The following OIT3 variants were observed in gnomAD, a reference collection of about 807,000 sequenced individuals.
OIT3 encodes oncoprotein-induced transcript 3 protein.
A neutral mutation model predicts 52.2 loss-of-function variants in OIT3; 41 were observed. That is an observed-to-expected ratio of 0.79 (90% confidence interval 0.61 to 1.02). OIT3 has a LOEUF of 1.02. Among genes scored for constraint, OIT3 ranks in the 50% least tolerant of loss-of-function variants. The pLI, the probability that OIT3 is intolerant of heterozygous loss-of-function variation, is 0.00. For missense variants in OIT3, 634 were observed against 715.5 expected (o/e 0.89, Z 1.30); for synonymous variants, 244 against 276.9 (o/e 0.88, Z 1.18).
intron 1 of OIT3, among the ~76,000 whole-genome samples, chr10:72,896,366 AG>A (rs1230604527): frequency 2.0e-5 from 3 of 152,200 alleles, no homozygotes; most frequent in African/African-American, 7.2e-5. Context: ...GGGAGAGCAA[AG>A]GAGGAAGAAA....
At chr10:72,909,318 C>T (rs567042158) in intron 4 of OIT3, among the ~76,000 whole-genome samples, 2 of 151,954 alleles carry the variant, frequency 1.3e-5, no homozygotes, top group South Asian at 4.2e-4. Context: ...CAGGGTTTCA[C>T]CATGTTGGCC....
chr10:72,897,451 T>C (rs1008351641), intron 1 of OIT3, among the ~76,000 whole-genome samples: 1 of 152,234 alleles, frequency 6.6e-6, no homozygotes, highest in Non-Finnish European at 1.5e-5. Flanking sequence ...AGGATAGTAA[T>C]GCCATGGTTA....
intron 6 of OIT3, among the ~76,000 whole-genome samples, chr10:72,920,773 A>G (rs1162450760): frequency 6.6e-6 from 1 of 152,076 alleles, no homozygotes; most frequent in Non-Finnish European, 1.5e-5. Flanking sequence ...TTCTAATTCG[A>G]TTGTGCTGTC....
chr10:72,894,909 A>C (rs1845861240), intron 1 of OIT3, among the ~76,000 whole-genome samples: 1 of 152,042 alleles, frequency 6.6e-6, no homozygotes, highest in African/African-American at 2.4e-5. Context: ...AATAAAAATA[A>C]AAATGGTGAT....
Position 72,899,020 on chromosome 10 carries a change from T to C in OIT3, c.418T>C (p.Phe140Leu). 3 of 1,610,492 alleles carry C rather than the reference T, an allele frequency of 1.9e-6. No individual in the cohort carries two copies. The highest frequency in any genetic ancestry group is 2.5e-6 in the Non-Finnish European group (3 of 1,177,350). The change falls in exon 2 of 9, where the codon TTC (phenylalanine) becomes CTC (leucine). Residue 140 changes from phenylalanine to leucine, a missense_variant. Transcript: ENST00000334011. ...TCGTCTGACCAAGCCCAGCGTCTGC[T>C]TCCACGTCTACTGTGGTCGTGAGTA... ...VYRLTKPSVCFHVYCGHFYDI... is the reference protein window; with the variant it reads ...VYRLTKPSVCLHVYCGHFYDI...
At chr10:72,929,798 C>T (rs112411098) in intron 7 of OIT3, among the ~76,000 whole-genome samples, 6,033 of 152,206 alleles carry the variant, frequency 0.04, 397 homozygotes, top group African/African-American at 0.14. Flanking sequence ...CTGCCTCAGC[C>T]TGCCAGAGTG....
chr10:72,915,571 T>C (rs1375425028), intron 6 of OIT3, among the ~76,000 whole-genome samples: 1 of 152,180 alleles, frequency 6.6e-6, no homozygotes, highest in Non-Finnish European at 1.5e-5. Context: ...ATTGCACTCA[T>C]GGCCAGCAGC....
rs932201391 is a variant in OIT3 at position 72,895,620 on chromosome 10, C to G, written c.61+1761C>G. On this transcript the variant is annotated intron_variant, in intron 1 of 8. Transcript: ENST00000334011. ...TCCCGACCAAGCTCAGGCACAGGGT[C>G]GAAAAGGGGCTGTGATTCAGGGGCG... 4.6e-5 allele frequency among the ~76,000 whole-genome samples: 7 copies of G among 152,038 alleles called. No individual in the cohort carries two copies. The East Asian group carries it at 1.3e-3, about 29-fold the overall frequency.
intron 8 of OIT3, among the ~76,000 whole-genome samples, chr10:72,931,039 T>C (rs1353049501): frequency 6.6e-6 from 1 of 152,162 alleles, no homozygotes; most frequent in African/African-American, 2.4e-5. Flanking sequence ...TAAGTGCTGA[T>C]GAAAACAATT....
intron 3 of OIT3, among the ~76,000 whole-genome samples, chr10:72,904,843 A>G (rs1845964833): frequency 6.6e-6 from 1 of 152,162 alleles, no homozygotes; most frequent in Non-Finnish European, 1.5e-5. Context: ...GTTGCTATAA[A>G]GGAATACCTG....
chr10:72,929,852 T>G (rs1011730951), intron 7 of OIT3, among the ~76,000 whole-genome samples: 2 of 152,176 alleles, frequency 1.3e-5, no homozygotes, highest in African/African-American at 2.4e-5. Context: ...CAGGAGTGCT[T>G]CTTTTCCCCC....
Position 72,894,496 on chromosome 10 carries a change from CT to C in OIT3, c.61+639del, listed in dbSNP as rs1845856509. Among the ~76,000 whole-genome samples the C allele has an allele frequency of 1.3e-5, 2 of 152,144 alleles. 1 individual carries two copies. The highest frequency in any genetic ancestry group is 4.1e-4 in the South Asian group (2 of 4,826). ...TGGGGGTGAGATGGAGAGAACCATCCTTCTTGACACTTTTGAGTAGCTCAGT... is the reference window on the plus strand; with the variant it reads ...TGGGGGTGAGATGGAGAGAACCATCCTCTTGACACTTTTGAGTAGCTCAGT... On this transcript the variant is annotated intron_variant, in intron 1 of 8. Coordinates refer to ENST00000334011, the MANE Select transcript of OIT3 (RefSeq NM_152635.3).
chr10:72,898,994 A>C lies in OIT3; in HGVS notation c.392A>C (p.Tyr131Ser), dbSNP rs772229043. 6.2e-7 allele frequency: 1 copy of C among 1,613,940 alleles called. No homozygotes were observed. Among genetic ancestry groups the C allele is most frequent in the Non-Finnish European group, 8.5e-7 (1 of 1,179,878 alleles). ...VKACPGGYYVYRLTKPSVCFH... is the reference protein window; with the variant it reads ...VKACPGGYYVSRLTKPSVCFH... ...GCTTGCCCTGGAGGCTACTATGTGTATCGTCTGACCAAGCCCAGCGTCTGC... is the reference window on the plus strand; with the variant it reads ...GCTTGCCCTGGAGGCTACTATGTGTCTCGTCTGACCAAGCCCAGCGTCTGC... The change falls in exon 2 of 9, where the codon TAT becomes TCT. Residue 131 changes from tyrosine to serine, a missense_variant. Tyr to Ser is a moderately radical substitution (Grantham distance 144, BLOSUM62 -2). Transcript: ENST00000334011.
At chr10:72,902,756 C>T (rs1011332771) in intron 3 of OIT3, among the ~76,000 whole-genome samples, 7 of 152,104 alleles carry the variant, frequency 4.6e-5, no homozygotes, top group African/African-American at 1.4e-4. Flanking sequence ...TTTCGTGAGA[C>T]TTACTTACTA....
intron 1 of OIT3, among the ~76,000 whole-genome samples, chr10:72,896,374 G>A (rs897674788): frequency 1.3e-5 from 2 of 152,194 alleles, no homozygotes; most frequent in African/African-American, 4.8e-5. Flanking sequence ...AAAGGAGGAA[G>A]AAATTTGTCC....
chr10:72,914,867 CT>C (rs911010551), intron 6 of OIT3, among the ~76,000 whole-genome samples: 91 of 146,058 alleles, frequency 6.2e-4, no homozygotes, highest in Admixed American at 8.3e-4. Context: ...GTGTAAAACT[CT>C]TTTTTTTTTT....
intron 1 of OIT3, among the ~76,000 whole-genome samples, chr10:72,895,222 C>T (rs1414771196): frequency 6.6e-6 from 1 of 152,174 alleles, no homozygotes. Flanking sequence ...TGTCATTAAT[C>T]ACCCCCTATC....
Position 72,899,111 on chromosome 10 carries a change from G to A in OIT3, c.436+73G>A, listed in dbSNP as rs1845904003. On this transcript the variant is annotated intron_variant, in intron 2 of 8. Coordinates refer to ENST00000334011, the MANE Select transcript of OIT3 (RefSeq NM_152635.3). ...TGGAGTCCAAAAGTGCCAATTATAG[G>A]ATATGCAGTTACAGTGGCAACTATA... 8 of 1,383,908 alleles carry A rather than the reference G, an allele frequency of 5.8e-6. No individual in the cohort carries two copies. In the South Asian group the frequency reaches 9.5e-5, roughly 16 times the overall value. 85.7% of individuals were successfully genotyped at this position (1,383,908 alleles called of 1,614,324 possible). A position where few individuals can be genotyped will look rare whatever the true frequency, so the allele number is the denominator to read the frequency against.
intron 6 of OIT3, among the ~76,000 whole-genome samples, chr10:72,920,384 C>T (rs1846111609): frequency 6.6e-6 from 1 of 152,104 alleles, no homozygotes; most frequent in Non-Finnish European, 1.5e-5. Flanking sequence ...AAAACCAGCT[C>T]CTAGATTTGT....
Sources: allele counts gnomAD v4.1 joint callset (sites outside exome capture counted in the v4.1 genomes callset), GRCh38; gene constraint gnomAD v4.1.1; transcripts MANE v1.5; gene names NCBI Gene and HGNC (gene_info 2026-07-23, HGNC 2026-07-21).